CAMTA1: variants seen among roughly 807,000 people sequenced by gnomAD.
CAMTA1 encodes calmodulin binding transcription activator 1.
In CAMTA1, 27 loss-of-function variants were observed where a neutral mutation model predicts 170.9. The ratio of observed to expected loss-of-function variants is 0.16; its 90% CI spans 0.12 to 0.22. The LOEUF (loss-of-function observed/expected upper bound fraction) is 0.22. CAMTA1 is among the 10% of genes least tolerant of loss of function. CAMTA1 has a pLI of 1.00. For synonymous variants in CAMTA1, 833 were observed against 891.5 expected, an observed-to-expected ratio of 0.93 and a Z score of 1.17; for missense variants, 1,619 against 2,217.2, an observed-to-expected ratio of 0.73 and a Z score of 5.42.
chr1:6,836,495 G>A (rs1183242538), intron 3 of CAMTA1, among the ~76,000 whole-genome samples: 1 of 152,164 alleles, frequency 6.6e-6, no homozygotes, highest in African/African-American at 2.4e-5. Context: ...GCGAGAACCT[G>A]GAATTTACAT....
chr1:7,186,617 G>A (rs565680598), intron 4 of CAMTA1, among the ~76,000 whole-genome samples: 1 of 152,318 alleles, frequency 6.6e-6, no homozygotes, highest in East Asian at 1.9e-4. Flanking sequence ...CTGCAAGTTG[G>A]CAGTCATTCA....
At chr1:7,302,167 TG>T (rs57452296) in intron 5 of CAMTA1, among the ~76,000 whole-genome samples, 11 of 147,700 alleles carry the variant, frequency 7.4e-5, no homozygotes, top group Non-Finnish European at 1.6e-4. Context: ...TTGGTGGGGG[TG>T]GGGGGTCTCT....
chr1:7,123,275 T>C (rs1644750777), intron 4 of CAMTA1, among the ~76,000 whole-genome samples: 1 of 152,180 alleles, frequency 6.6e-6, no homozygotes, highest in African/African-American at 2.4e-5. Flanking sequence ...TGTCGGTGGC[T>C]GTCTCTTTCT....
rs556074230 is a variant in CAMTA1 at position 6,906,245 on chromosome 1, C to T, written c.234+81035C>T. ...GAGGAGGGAGAAGAATGGGGAGAAA[C>T]CCCCTGCCAAGGGGTCTTTCTGGAT... On this transcript the variant is annotated intron_variant, in intron 3 of 22. Coordinates refer to ENST00000303635, the MANE Select transcript of CAMTA1 (RefSeq NM_015215.4). Among the ~76,000 whole-genome samples, 9 of 152,226 alleles carry T rather than the reference C, an allele frequency of 5.9e-5. No individual in the cohort carries two copies. In the South Asian group the frequency reaches 1.9e-3, roughly 32 times the overall value.
chr1:7,763,287 T>TA (rs1313759304), intron 22 of CAMTA1, among the ~76,000 whole-genome samples: 5 of 152,194 alleles, frequency 3.3e-5, no homozygotes, highest in Admixed American at 6.5e-5. Context: ...CGACTTTCTG[T>TA]AAAAAATGTT....
In CAMTA1 at chr1:6,965,294, T is replaced by C. The variant is rs1691327966; in HGVS notation, c.235-126010T>C. On this transcript the variant is annotated intron_variant, in intron 3 of 22. Transcript: ENST00000303635. The surrounding 1 kb of genome is among the most constrained non-coding windows in gnomAD (Gnocchi z 4.1). ...GCATGCACATGTTTAAGTGTGTGCTTGTGTCTGTGCATGTGTGTATGTGTG... is the reference window on the plus strand; with the variant it reads ...GCATGCACATGTTTAAGTGTGTGCTCGTGTCTGTGCATGTGTGTATGTGTG... Among the ~76,000 whole-genome samples the C allele has an allele frequency of 6.6e-6, 1 of 152,028 alleles. No homozygotes were observed. Among genetic ancestry groups the C allele is most frequent in the Non-Finnish European group, 1.5e-5 (1 of 67,986 alleles).
At chr1:7,425,215 C>A (rs543564297) in intron 5 of CAMTA1, among the ~76,000 whole-genome samples, 1 of 152,314 alleles carries the variant, frequency 6.6e-6, no homozygotes, top group South Asian at 2.1e-4. Context: ...GGAAGACTTC[C>A]TGCTCTGAGA....
intron 3 of CAMTA1, among the ~76,000 whole-genome samples, chr1:6,967,552 G>T (rs1428247752): frequency 6.6e-6 from 1 of 152,154 alleles, no homozygotes; most frequent in African/African-American, 2.4e-5. Flanking sequence ...TAGGTTTGAG[G>T]ATTCCCAGGG....
intron 16 of CAMTA1, among the ~76,000 whole-genome samples, chr1:7,740,288 A>G (rs1401730137): frequency 6.6e-6 from 1 of 152,210 alleles, no homozygotes; most frequent in Non-Finnish European, 1.5e-5. Flanking sequence ...AATCGGCCCT[A>G]ACAGCACCAA....
chr1:7,647,230 C>A (rs535586099), intron 7 of CAMTA1, among the ~76,000 whole-genome samples: 2 of 149,282 alleles, frequency 1.3e-5, no homozygotes, highest in African/African-American at 2.4e-5. Context: ...ATGTTCAGTG[C>A]GCCTTTTGTT....
intron 5 of CAMTA1, among the ~76,000 whole-genome samples, chr1:7,319,678 C>T (rs1327449651): frequency 6.6e-6 from 1 of 152,182 alleles, no homozygotes; most frequent in Non-Finnish European, 1.5e-5. Flanking sequence ...TTCATTCACT[C>T]ATTCAGCAAA....
At chr1:7,285,683 C>T (rs1672250877) in intron 5 of CAMTA1, among the ~76,000 whole-genome samples, 1 of 152,178 alleles carries the variant, frequency 6.6e-6, no homozygotes, top group African/African-American at 2.4e-5. Flanking sequence ...GAACTCGGCG[C>T]ACAGGTGAAC....
At chr1:7,197,754 G>C (rs982464068) in intron 4 of CAMTA1, among the ~76,000 whole-genome samples, 1 of 151,076 alleles carries the variant, frequency 6.6e-6, no homozygotes, top group Non-Finnish European at 1.5e-5. Context: ...CCTTTTCCTA[G>C]TTGAGAAGAA....
At chr1:7,459,437 G>A (rs962666006) in intron 5 of CAMTA1, among the ~76,000 whole-genome samples, 2 of 152,214 alleles carry the variant, frequency 1.3e-5, no homozygotes, top group African/African-American at 4.8e-5. Context: ...GTGCCTTGCT[G>A]TACCTGCTGC....
intron 6 of CAMTA1, among the ~76,000 whole-genome samples, chr1:7,513,954 CACACACACAT>C (rs1455310631): frequency 1.3e-5 from 2 of 152,052 alleles, no homozygotes; most frequent in East Asian, 1.9e-4. Flanking sequence ...CACATACACA[CACACACACAT>C]ACACACACAA....
At chr1:7,372,174 A>G (rs750994108) in intron 5 of CAMTA1, among the ~76,000 whole-genome samples, 20 of 151,882 alleles carry the variant, frequency 1.3e-4, no homozygotes, top group Non-Finnish European at 2.6e-4. Flanking sequence ...CCTATCCTAA[A>G]TCCCTCCCCA....
chr1:6,961,705 A>T (rs746811234), intron 3 of CAMTA1, among the ~76,000 whole-genome samples: 21 of 152,154 alleles, frequency 1.4e-4, no homozygotes, highest in Non-Finnish European at 2.5e-4. Flanking sequence ...GATTGAATTG[A>T]TCCAAGCCCA....
intron 4 of CAMTA1, among the ~76,000 whole-genome samples, chr1:7,192,582 G>A (rs867880749): frequency 6.6e-6 from 1 of 152,330 alleles, no homozygotes; most frequent in South Asian, 2.1e-4. Context: ...GCTTGTGGCC[G>A]CTGCTAGCCA....
At chr1:7,419,432 C>T (rs1192497520) in intron 5 of CAMTA1, among the ~76,000 whole-genome samples, 2 of 152,222 alleles carry the variant, frequency 1.3e-5, no homozygotes, top group Non-Finnish European at 2.9e-5. Flanking sequence ...GCTGGGATTA[C>T]AGGCGTGAGC....
Sources: allele counts gnomAD v4.1 joint callset (sites outside exome capture counted in the v4.1 genomes callset), GRCh38; gene constraint gnomAD v4.1.1; non-coding constraint Gnocchi (gnomAD v3.1); transcripts MANE v1.5; gene names NCBI Gene and HGNC (gene_info 2026-07-23, HGNC 2026-07-21).